The following FA2H variants were observed in gnomAD, a reference collection of about 807,000 sequenced individuals.
The protein encoded by FA2H is fatty acid alpha-hydroxylase.
A neutral mutation model predicts 44.9 loss-of-function variants in FA2H; 22 were observed. That is an observed-to-expected ratio of 0.49 (90% CI 0.35 to 0.70). The LOEUF is 0.70. Among genes scored for constraint, FA2H ranks in the 30% least tolerant of loss-of-function variants. FA2H has a pLI of 0.01. For synonymous variants in FA2H, 243 were observed against 213.2 expected (o/e 1.14, Z -1.22); for missense variants, 501 against 504.9 (o/e 0.99, Z 0.07).
At chr16:74,763,708 T>TCC (rs11369246) in intron 1 of FA2H, among the ~76,000 whole-genome samples, 1 of 151,958 alleles carries the variant, frequency 6.6e-6, no homozygotes, top group Admixed American at 6.6e-5. Flanking sequence ...AGAATTCTAC[T>TCC]CCCCCTCTTA....
intron 6 of FA2H, 41 bp from the exon 7 acceptor site, chr16:74,714,310 G>A: frequency 7.5e-7 from 1 of 1,328,870 alleles, no homozygotes; most frequent in South Asian, 1.3e-5. Flanking sequence ...AGGCATTGAA[G>A]GAGCAGGCGT....
At chr16:74,736,100 C>T (rs1482312499) in intron 2 of FA2H, among the ~76,000 whole-genome samples, 1 of 152,240 alleles carries the variant, frequency 6.6e-6, no homozygotes. Flanking sequence ...CTAAGACCCA[C>T]GGAAGCAGAG....
intron 1 of FA2H, among the ~76,000 whole-genome samples, chr16:74,760,584 G>T (rs1204163169): frequency 4.1e-5 from 6 of 147,400 alleles, no homozygotes; most frequent in Admixed American, 1.4e-4. Flanking sequence ...TCAGAGGAAG[G>T]CATGCCTGCT....
At chr16:74,756,636 T>C (rs1302846351) in intron 1 of FA2H, among the ~76,000 whole-genome samples, 4 of 151,946 alleles carry the variant, frequency 2.6e-5, no homozygotes, top group African/African-American at 9.7e-5. Context: ...TAAAACCTAA[T>C]AAAACAGTAG....
intron 5 of FA2H, chr16:74,716,834 TGGGATGGGC>T (rs1381320416): frequency 8.8e-6 from 3 of 340,740 alleles, no homozygotes; most frequent in Non-Finnish European, 5.6e-6. Flanking sequence ...CAAAGGAACA[TGGGATGGGC>T]GGGATGGGCA....
chr16:74,714,047 C>G lies in FA2H; in HGVS notation c.*143G>C. The G allele has an allele frequency of 3.1e-6, 2 of 636,100 alleles. No individual in the cohort carries two copies. Among genetic ancestry groups the G allele is most frequent in the South Asian group, 3.6e-5 (2 of 55,860 alleles). The allele number at this position is 636,100 out of a possible 1,614,324, so 39.4% of individuals were successfully genotyped here. A position where few individuals can be genotyped will look rare whatever the true frequency, so the allele number is the denominator to read the frequency against. On this transcript the variant is annotated 3_prime_UTR_variant, in exon 7 of 7. Transcript: ENST00000219368. ...GGGCGGTCCTGCCTCAGGGCCCCCT[C>G]AGCACCTTCCACTAGGCTGCAGGGC...
chr16:74,741,581 C>T (rs1962295851), intron 1 of FA2H, among the ~76,000 whole-genome samples: 1 of 151,928 alleles, frequency 6.6e-6, no homozygotes, highest in Non-Finnish European at 1.5e-5. Flanking sequence ...CCACCTCAGC[C>T]TCCCAAGTAG....
At chr16:74,756,195 A>G (rs1369702540) in intron 1 of FA2H, among the ~76,000 whole-genome samples, 3 of 152,156 alleles carry the variant, frequency 2.0e-5, no homozygotes, top group Non-Finnish European at 4.4e-5. Context: ...TCTGGCCTGC[A>G]GGCCTCCCCT....
chr16:74,771,074 C>T (rs1202086188), intron 1 of FA2H, among the ~76,000 whole-genome samples: 2 of 152,112 alleles, frequency 1.3e-5, no homozygotes, highest in African/African-American at 4.8e-5. Flanking sequence ...CGAGCCACAC[C>T]CTAAGGCTCC....
At chr16:74,723,037 C>G (rs1202234976) in intron 4 of FA2H, among the ~76,000 whole-genome samples, 3 of 152,198 alleles carry the variant, frequency 2.0e-5, no homozygotes, top group African/African-American at 7.2e-5. Flanking sequence ...CTGGCTGTGG[C>G]ATATGACATT....
intron 1 of FA2H, among the ~76,000 whole-genome samples, chr16:74,764,996 G>T (rs543270589): frequency 6.6e-6 from 1 of 152,102 alleles, no homozygotes; most frequent in Admixed American, 6.5e-5. Context: ...CTCATGGGAC[G>T]GGTAGACTGT....
intron 1 of FA2H, among the ~76,000 whole-genome samples, chr16:74,764,016 A>G (rs1016990005): frequency 3.3e-5 from 5 of 152,218 alleles, no homozygotes; most frequent in African/African-American, 1.2e-4. Flanking sequence ...AGTGTTTCAC[A>G]ATATAAAGTA....
intron 1 of FA2H, among the ~76,000 whole-genome samples, chr16:74,764,052 G>A (rs140766608): frequency 2.6e-5 from 4 of 152,130 alleles, no homozygotes; most frequent in Non-Finnish European, 5.9e-5. Context: ...ATATTTCTCA[G>A]TTATAAGCTT....
At chr16:74,741,894 G>A (rs1962319804) in intron 1 of FA2H, among the ~76,000 whole-genome samples, 1 of 146,760 alleles carries the variant, frequency 6.8e-6, no homozygotes, top group Non-Finnish European at 1.5e-5. Context: ...GTATCATGCT[G>A]TCTTGAGTAC....
rs904034052 is a variant in FA2H at position 74,726,449 on chromosome 16, C to A, written c.507-118G>T. On this transcript the variant is annotated intron_variant, in intron 3 of 6. Transcript: ENST00000219368. ...TGTTGCCCAGGCTGGAGTGCAATGG[C>A]GTGATTTCGGCTCACTGCAACCTCT... 5 of 678,312 alleles carry A rather than the reference C, an allele frequency of 7.4e-6. No individual in the cohort carries two copies. The East Asian group carries it at 1.2e-4, about 16-fold the overall frequency. The allele number at this position is 678,312 out of a possible 1,614,324, so 42.0% of individuals were successfully genotyped here. A position where few individuals can be genotyped will look rare whatever the true frequency, so the allele number is the denominator to read the frequency against.
chr16:74,718,976 C>T lies in FA2H; in HGVS notation c.786+12G>A, dbSNP rs200307057. Reference sequence around the variant, plus strand: ...ACATGCTAGGTCCGGGCTGGGACCCCGCCCCGCTCACCTTGTGGTGCTGGC... The same window carrying T: ...ACATGCTAGGTCCGGGCTGGGACCCTGCCCCGCTCACCTTGTGGTGCTGGC... On this transcript the variant is annotated intron_variant, in intron 5 of 6. Transcript: ENST00000219368. 324 of 1,612,996 alleles carry T rather than the reference C, an allele frequency of 2.0e-4. 5 individuals carry two copies. In the South Asian group the frequency reaches 3.0e-3, roughly 15 times the overall value.
chr16:74,769,278 G>A (rs1386931864), intron 1 of FA2H, among the ~76,000 whole-genome samples: 1 of 151,846 alleles, frequency 6.6e-6, no homozygotes, highest in Non-Finnish European at 1.5e-5. Flanking sequence ...ATTTTTTCTT[G>A]TAGAGATAGT....
intron 1 of FA2H, among the ~76,000 whole-genome samples, chr16:74,750,246 T>G (rs779414221): frequency 6.6e-6 from 1 of 152,204 alleles, no homozygotes; most frequent in Non-Finnish European, 1.5e-5. Context: ...ACCTAAAATA[T>G]ATTATCTCCT....
chr16:74,741,806 A>ATGTGTGTGTGTGTGTGTGTGTGTG (rs1482714202), intron 1 of FA2H, among the ~76,000 whole-genome samples: 5 of 60,764 alleles, frequency 8.2e-5, no homozygotes, highest in Admixed American at 2.0e-4. Context: ...ATATATATAT[A>ATGTGTGTGTGTGTGTGTGTGTGTG]TATGTGTGTG....
Sources: gnomAD v4.1 joint callset for allele counts (sites outside exome capture counted in the v4.1 genomes callset) on GRCh38, gnomAD v4.1.1 for gene constraint, MANE v1.5 for transcripts, NCBI Gene and HGNC (gene_info 2026-07-23, HGNC 2026-07-21) for gene names.